Variants in PGBD5 observed in about 807,000 individuals in gnomAD.
PGBD5 encodes piggyBac transposable element derived 5.
Under a neutral mutation model 47.9 loss-of-function variants are expected in PGBD5, and 14 were observed. That is an observed-to-expected ratio of 0.29 (90% CI 0.19 to 0.46). The LOEUF (loss-of-function observed/expected upper bound fraction) is 0.46. Among genes scored for constraint, PGBD5 ranks in the 20% least tolerant of loss-of-function variants. The pLI is 1.00. For synonymous variants in PGBD5, 316 were observed against 306.3 expected, an observed-to-expected ratio of 1.03 and a Z score of -0.33; for missense variants, 635 against 716.0, an observed-to-expected ratio of 0.89 and a Z score of 1.29.
chr1:230,360,882 G>C (rs1667731639), intron 1 of PGBD5, among the ~76,000 whole-genome samples: 1 of 152,186 alleles, frequency 6.6e-6, no homozygotes, highest in Non-Finnish European at 1.5e-5. Flanking sequence ...GTTTATGAGA[G>C]CTTCCCAGGT....
At chr1:230,346,620 G>A (rs1667476334) in intron 3 of PGBD5, among the ~76,000 whole-genome samples, 1 of 152,122 alleles carries the variant, frequency 6.6e-6, no homozygotes, top group African/African-American at 2.4e-5. Flanking sequence ...GCCTACTTTT[G>A]TCTTAAGTGC....
At chr1:230,397,044 G>C (rs1657002539) in intron 1 of PGBD5, among the ~76,000 whole-genome samples, 1 of 152,200 alleles carries the variant, frequency 6.6e-6, no homozygotes, top group Admixed American at 6.5e-5. Context: ...ACTGGAGAGG[G>C]AGTTCACCTG....
chr1:230,394,488 C>A (rs1485619387), intron 1 of PGBD5, among the ~76,000 whole-genome samples: 1 of 149,804 alleles, frequency 6.7e-6, no homozygotes, highest in African/African-American at 2.5e-5. Context: ...CTCCAATCCT[C>A]CCGCTGTGCT....
chr1:230,381,044 C>T (rs970784299), intron 1 of PGBD5, among the ~76,000 whole-genome samples: 4 of 152,232 alleles, frequency 2.6e-5, no homozygotes, highest in Non-Finnish European at 5.9e-5. Flanking sequence ...TCCACGTGCA[C>T]AGTGCTTACA....
chr1:230,319,414 C>T lies in PGBD5; in HGVS notation c.*4011G>A, dbSNP rs1369120764. Reference sequence around the variant, plus strand: ...GACTTGTTCTCGCCCCAATCCCAGGCAAGTGGGGAAATGTTTTTTTTTTGC... The same window carrying T: ...GACTTGTTCTCGCCCCAATCCCAGGTAAGTGGGGAAATGTTTTTTTTTTGC... On this transcript the variant is annotated 3_prime_UTR_variant, in exon 7 of 7. Transcript: ENST00000391860. 1 of 152,012 alleles carries T rather than the reference C, an allele frequency of 6.6e-6. No individual in the cohort carries two copies. The highest frequency in any genetic ancestry group is 6.6e-5 in the Admixed American group (1 of 15,242). 9.4% of individuals were successfully genotyped at this position (152,012 alleles called of 1,614,324 possible).
chr1:230,419,779 C>T (rs1657606720), intron 1 of PGBD5, among the ~76,000 whole-genome samples: 1 of 152,106 alleles, frequency 6.6e-6, no homozygotes, highest in East Asian at 1.9e-4. Flanking sequence ...ATCCTTACCT[C>T]AATATTGCTT....
At chr1:230,345,676 C>CT (rs1483178154) in intron 3 of PGBD5, among the ~76,000 whole-genome samples, 2 of 152,232 alleles carry the variant, frequency 1.3e-5, no homozygotes, top group African/African-American at 4.8e-5. Context: ...TTTTCCTTGG[C>CT]TAGTGATATG....
chr1:230,420,029 G>A (rs1657614106), intron 1 of PGBD5, among the ~76,000 whole-genome samples: 1 of 152,180 alleles, frequency 6.6e-6, no homozygotes, highest in Non-Finnish European at 1.5e-5. Flanking sequence ...AGGAGGCTGA[G>A]GCAGGAGAAT....
Position 230,425,045 on chromosome 1 carries a change from C to T in PGBD5, c.331+553G>A, listed in dbSNP as rs1441619162. Among the ~76,000 whole-genome samples the T allele has an allele frequency of 6.6e-6, 1 of 152,158 alleles. No individual in the cohort carries two copies. The highest frequency in any genetic ancestry group is 1.5e-5 in the Non-Finnish European group (1 of 68,028). ...ATTCTTAACAAGAGATCTGGAATGG[C>T]GCGGACAGGGAAAGTTTCTCAGATT... On this transcript the variant is annotated intron_variant, in intron 1 of 6. Transcript: ENST00000391860. The surrounding 1 kb of genome is among the most constrained non-coding windows in gnomAD (Gnocchi z 4.7).
chr1:230,328,885 A>G (rs1449570727), intron 5 of PGBD5, among the ~76,000 whole-genome samples: 1 of 152,236 alleles, frequency 6.6e-6, no homozygotes, highest in Admixed American at 6.5e-5. Flanking sequence ...AAGAAAAGCA[A>G]AAGGGTTTGG....
At chr1:230,351,932 C>G (rs925956884) in intron 2 of PGBD5, among the ~76,000 whole-genome samples, 3 of 152,176 alleles carry the variant, frequency 2.0e-5, no homozygotes, top group Non-Finnish European at 4.4e-5. Context: ...AGATCTGCTT[C>G]TTCAAGGTAA....
At chr1:230,401,827 C>T (rs1490870909) in intron 1 of PGBD5, among the ~76,000 whole-genome samples, 1 of 152,206 alleles carries the variant, frequency 6.6e-6, no homozygotes, top group African/African-American at 2.4e-5. Flanking sequence ...GCGCTGCTCA[C>T]CTCCCCATAC....
intron 1 of PGBD5, among the ~76,000 whole-genome samples, chr1:230,390,427 T>A (rs965660895): frequency 3.9e-5 from 6 of 152,032 alleles, no homozygotes; most frequent in African/African-American, 1.4e-4. Context: ...ATCTCACCCC[T>A]CTTCTGGGGT....
chr1:230,350,736 G>A (rs530646060), intron 3 of PGBD5, among the ~76,000 whole-genome samples: 15 of 152,264 alleles, frequency 9.9e-5, no homozygotes, highest in South Asian at 8.3e-4. Flanking sequence ...TGCAGGGAAC[G>A]GGGCCAGGGG....
intron 3 of PGBD5, among the ~76,000 whole-genome samples, chr1:230,345,381 G>T (rs1183137866): frequency 6.6e-6 from 1 of 152,234 alleles, no homozygotes; most frequent in Non-Finnish European, 1.5e-5. Context: ...CACTGGAAGA[G>T]TCATCATCTG....
intron 1 of PGBD5, among the ~76,000 whole-genome samples, chr1:230,408,668 A>G (rs1028420022): frequency 6.6e-6 from 1 of 152,212 alleles, no homozygotes; most frequent in African/African-American, 2.4e-5. Context: ...TCCACATGCA[A>G]AAGAAAAAAT....
intron 1 of PGBD5, among the ~76,000 whole-genome samples, chr1:230,411,924 T>C (rs1657418163): frequency 1.3e-5 from 2 of 152,044 alleles, no homozygotes; most frequent in African/African-American, 2.4e-5. Context: ...TGAAGTAAAA[T>C]AGAAGATATT....
intron 2 of PGBD5, among the ~76,000 whole-genome samples, chr1:230,355,343 G>A (rs1331460743): frequency 6.6e-6 from 1 of 152,186 alleles, no homozygotes; most frequent in East Asian, 1.9e-4. Context: ...GAGAGGCCAG[G>A]CACTCACCCT....
intron 1 of PGBD5, among the ~76,000 whole-genome samples, chr1:230,392,649 G>C (rs1656817562): frequency 1.3e-5 from 2 of 152,140 alleles, no homozygotes; most frequent in South Asian, 4.1e-4. Context: ...AGGACTGTCA[G>C]GACTTCCCAC....
Sources: allele counts gnomAD v4.1 joint callset (sites outside exome capture counted in the v4.1 genomes callset), GRCh38; gene constraint gnomAD v4.1.1; non-coding constraint Gnocchi (gnomAD v3.1); transcripts MANE v1.5; gene names NCBI Gene and HGNC (gene_info 2026-07-23, HGNC 2026-07-21).